The following CIT variants were observed in gnomAD, a reference collection of about 807,000 sequenced individuals.
The protein encoded by CIT is citron Rho-interacting kinase.
Under a neutral mutation model 272.7 loss-of-function variants are expected in CIT, and 79 were observed. The ratio of observed to expected loss-of-function variants is 0.29; its 90% confidence interval spans 0.24 to 0.35. The LOEUF is 0.35. Among genes scored for constraint, CIT ranks in the 10% least tolerant of loss-of-function variants. The probability of loss-of-function intolerance (pLI) is 1.00; values close to 1 mark genes in which losing one functional copy is unlikely to be tolerated. For missense variants in CIT, 1,909 were observed against 2,618.3 expected, an observed-to-expected ratio of 0.73 and a Z score of 5.91; for synonymous variants, 948 against 995.6, an observed-to-expected ratio of 0.95 and a Z score of 0.90.
chr12:119,830,253 A>G (rs1968514592), intron 7 of CIT, among the ~76,000 whole-genome samples: 2 of 151,732 alleles, frequency 1.3e-5, no homozygotes, highest in Admixed American at 1.3e-4. Flanking sequence ...TGTGGTATAG[A>G]GTGTCATATC....
Position 119,770,117 on chromosome 12 carries a change from C to G in CIT, c.2208+668G>C, listed in dbSNP as rs188127098. ...GCCCTTCAAAGGTGCTGTCTTCCAC[C>G]CTGGCAGGGGCAAAACGTCAACACA... On this transcript the variant is annotated intron_variant, in intron 18 of 47. Coordinates refer to ENST00000392521, the MANE Select transcript of CIT (RefSeq NM_001206999.2). This position sits in a 1 kb window ranked among gnomAD's most constrained non-coding sequence, Gnocchi z 4.4. 6.6e-6 allele frequency among the ~76,000 whole-genome samples: 1 copy of G among 152,226 alleles called. No homozygotes were observed. Among genetic ancestry groups the G allele is most frequent in the East Asian group, 1.9e-4 (1 of 5,170 alleles).
At chr12:119,782,313 G>A (rs894780041) in intron 13 of CIT, 2 of 471,568 alleles carry the variant, frequency 4.2e-6, no homozygotes, top group African/African-American at 3.9e-5. Flanking sequence ...GCTTCAAAAG[G>A]AGCTGGAACA....
At chr12:119,772,081 T>C (rs1033661096) in intron 17 of CIT, among the ~76,000 whole-genome samples, 1 of 151,842 alleles carries the variant, frequency 6.6e-6, no homozygotes, top group East Asian at 1.9e-4. Context: ...TACCAGGAGG[T>C]TCACACCAAG....
chr12:119,736,969 C>T (rs1958801473), intron 24 of CIT, among the ~76,000 whole-genome samples: 1 of 152,156 alleles, frequency 6.6e-6, no homozygotes, highest in Non-Finnish European at 1.5e-5. Flanking sequence ...CTGACCTTTG[C>T]TGGGTTGGTT....
At chr12:119,859,171 G>A (rs938855845) in intron 3 of CIT, among the ~76,000 whole-genome samples, 1 of 152,156 alleles carries the variant, frequency 6.6e-6, no homozygotes, top group African/African-American at 2.4e-5. Flanking sequence ...ACGTTACAAG[G>A]GAACAGCATC....
At chr12:119,789,204 G>A (rs1168342929) in intron 10 of CIT, among the ~76,000 whole-genome samples, 1 of 152,208 alleles carries the variant, frequency 6.6e-6, no homozygotes, top group East Asian at 1.9e-4. Flanking sequence ...TGATTGTAAT[G>A]TACAGAAAGG....
chr12:119,745,398 A>AAAAAAAAAAAAAAAAC (rs1372544069), intron 23 of CIT, among the ~76,000 whole-genome samples: 2 of 145,084 alleles, frequency 1.4e-5, no homozygotes, highest in Admixed American at 6.9e-5. Flanking sequence ...AAAAAAAAAA[A>AAAAAAAAAAAAAAAAC]CACCTGTCCA....
At chr12:119,834,796 T>C (rs1200868611) in intron 5 of CIT, among the ~76,000 whole-genome samples, 4 of 152,190 alleles carry the variant, frequency 2.6e-5, no homozygotes. Context: ...AATAGAAAGA[T>C]AAATAGATTC....
intron 7 of CIT, among the ~76,000 whole-genome samples, chr12:119,832,012 G>C (rs193258346): frequency 1.3e-5 from 2 of 152,302 alleles, no homozygotes; most frequent in Admixed American, 1.3e-4. Flanking sequence ...GTTTTTTCTA[G>C]AGAAAGTATA....
chr12:119,869,402 G>A (rs1665360552), intron 2 of CIT, among the ~76,000 whole-genome samples: 1 of 152,168 alleles, frequency 6.6e-6, no homozygotes, highest in South Asian at 2.1e-4. Context: ...CAAGACTGTG[G>A]GTTTCTTTCA....
In CIT at chr12:119,742,425, G is replaced by A; in HGVS notation, c.2944C>T (p.Arg982Cys). 1.9e-6 allele frequency: 3 copies of A among 1,610,090 alleles called. No homozygotes were observed. Among genetic ancestry groups the A allele is most frequent in the Non-Finnish European group, 2.5e-6 (3 of 1,178,710 alleles). ...DEIQRKFDAL[R>C]NSCTVITDLE... is the part of the protein sequence containing the mutation. ...TTAATACTCACAGTACAGCTGTTAC[G>A]AAGAGCATCAAATTTGCGCTGGATT... Residue 982 changes from arginine to cysteine, a missense_variant, in exon 24 of 48, where the codon CGT becomes TGT. By Grantham distance (180) the Arg-to-Cys change is radical. This residue lies in a region of CIT where 530 missense variants were observed against 822.4 expected (regional missense o/e 0.64). Transcript: ENST00000392521.
intron 44 of CIT, chr12:119,699,927 G>A (rs1486739936): frequency 2.2e-6 from 1 of 456,044 alleles, no homozygotes; most frequent in Non-Finnish European, 4.4e-6. Flanking sequence ...GTATGTGTAT[G>A]TGTGTTTAGT....
At chr12:119,755,874 T>C (rs1050013001) in intron 22 of CIT, among the ~76,000 whole-genome samples, 3 of 152,182 alleles carry the variant, frequency 2.0e-5, no homozygotes, top group Non-Finnish European at 2.9e-5. Context: ...CACCTAAATT[T>C]GGTTTTGTCT....
intron 19 of CIT, among the ~76,000 whole-genome samples, chr12:119,765,451 T>C (rs1962329284): frequency 7.1e-6 from 1 of 141,458 alleles, no homozygotes; most frequent in Non-Finnish European, 1.5e-5. Context: ...CAGAATAAGA[T>C]AAGTAAAAAG....
At chr12:119,859,227 A>C (rs147541293) in intron 3 of CIT, among the ~76,000 whole-genome samples, 2 of 152,326 alleles carry the variant, frequency 1.3e-5, no homozygotes, top group Non-Finnish European at 2.9e-5. Context: ...CTTATAATCA[A>C]AATTATCCTG....
At chr12:119,800,696 T>C (rs1426660859) in intron 10 of CIT, among the ~76,000 whole-genome samples, 1 of 152,074 alleles carries the variant, frequency 6.6e-6, no homozygotes, top group African/African-American at 2.4e-5. Context: ...CTGAAAACGG[T>C]GAGAAAAGAA....
chr12:119,718,187 A>G lies in CIT; in HGVS notation c.4168+58T>C. 1 of 1,538,344 alleles carries G rather than the reference A, an allele frequency of 6.5e-7. No individual in the cohort carries two copies. The highest frequency in any genetic ancestry group is 1.2e-5 in the South Asian group (1 of 80,918). On this transcript the variant is annotated intron_variant, in intron 32 of 47. Transcript: ENST00000392521. This position sits in a 1 kb window ranked among gnomAD's most constrained non-coding sequence, Gnocchi z 4.8. The stretch of plus-strand genomic sequence containing the variant: ...ACCCCTAGTATTACTTGTAATTTTT[A>G]CCATATGCCCACATGTCTTAGTCGA...
chr12:119,733,470 G>T (rs1010369000), intron 26 of CIT, among the ~76,000 whole-genome samples: 1 of 151,256 alleles, frequency 6.6e-6, no homozygotes, highest in African/African-American at 2.4e-5. Flanking sequence ...GGAGGTGGAG[G>T]TTGCAGTGAA....
intron 46 of CIT, among the ~76,000 whole-genome samples, chr12:119,696,765 G>C (rs1956245880): frequency 6.6e-6 from 1 of 152,164 alleles, no homozygotes; most frequent in East Asian, 1.9e-4. Flanking sequence ...GGGCTCAAGT[G>C]ATCTGCCAGC....
Sources: allele counts gnomAD v4.1 joint callset (sites outside exome capture counted in the v4.1 genomes callset), GRCh38; gene constraint gnomAD v4.1.1; regional missense constraint gnomAD v4.1.1; non-coding constraint Gnocchi (gnomAD v3.1); transcripts MANE v1.5; gene names NCBI Gene and HGNC (gene_info 2026-07-23, HGNC 2026-07-21).